CDH4: variants seen among roughly 807,000 people sequenced by gnomAD.
The protein encoded by CDH4 is cadherin-4.
A neutral mutation model predicts 86.0 loss-of-function variants in CDH4; 33 were observed. The observed-to-expected ratio is 0.38, with a 90% CI of 0.29 to 0.51. The LOEUF is 0.51. Among genes scored for constraint, CDH4 ranks in the 20% least tolerant of loss-of-function variants. The pLI is 0.86. For synonymous variants in CDH4, 555 were observed against 549.4 expected, an observed-to-expected ratio of 1.01 and a Z score of -0.14; for missense variants, 1,114 against 1,307.4, an observed-to-expected ratio of 0.85 and a Z score of 2.28.
At chr20:61,355,316 C>G (rs1600895820) in intron 2 of CDH4, among the ~76,000 whole-genome samples, 1 of 152,310 alleles carries the variant, frequency 6.6e-6, no homozygotes, top group Middle Eastern at 3.4e-3. Context: ...TGGCACAAAA[C>G]TGTGGACTTA....
At chr20:61,652,796 T>TCA (rs2087135257) in intron 2 of CDH4, among the ~76,000 whole-genome samples, 1 of 96,468 alleles carries the variant, frequency 1.0e-5, no homozygotes, top group Admixed American at 9.9e-5. Flanking sequence ...TTTTTTCAAA[T>TCA]GAAAAAAAAA....
At chr20:61,904,313 G>A (rs1197058968) in intron 8 of CDH4, among the ~76,000 whole-genome samples, 1 of 152,186 alleles carries the variant, frequency 6.6e-6, no homozygotes, top group Non-Finnish European at 1.5e-5. Flanking sequence ...TGGTCATGGA[G>A]CATGGGGGTC....
chr20:61,934,406 A>G (rs1275466213), intron 15 of CDH4, among the ~76,000 whole-genome samples, 186 bp downstream of exon 15: 1 of 152,200 alleles, frequency 6.6e-6, no homozygotes. Context: ...CACCTCCCTC[A>G]GCAGGCCCTC....
At chr20:61,444,299 T>TTGCGTTCACCTGTGTGTGTGTGCATCTG (rs2085331599) in intron 2 of CDH4, among the ~76,000 whole-genome samples, 1 of 872 alleles carries the variant, frequency 1.1e-3, no homozygotes, top group Admixed American at 7.7e-3. Context: ...GTGGGTTTCT[T>TTGCGTTCACCTGTGTGTGTGTGCATCTG]TGTGTATGTA....
chr20:61,841,991 G>T (rs937740723), intron 4 of CDH4, among the ~76,000 whole-genome samples: 4 of 152,236 alleles, frequency 2.6e-5, no homozygotes, highest in East Asian at 1.9e-4. Context: ...CAGCTCTGGT[G>T]TGCAAATGCG....
intron 2 of CDH4, among the ~76,000 whole-genome samples, chr20:61,508,977 C>G (rs2085760723): frequency 6.6e-6 from 1 of 151,902 alleles, no homozygotes; most frequent in African/African-American, 2.4e-5. Flanking sequence ...GCTTCTCTCC[C>G]AGGCCTCGCC....
chr20:61,354,249 C>A (rs922826435), intron 2 of CDH4, among the ~76,000 whole-genome samples: 1 of 152,098 alleles, frequency 6.6e-6, no homozygotes, highest in Non-Finnish European at 1.5e-5. Context: ...AAATGTCTCC[C>A]GGCAGCACGT....
At chr20:61,921,004 T>C (rs1012653844) in intron 9 of CDH4, among the ~76,000 whole-genome samples, 1 of 144,410 alleles carries the variant, frequency 6.9e-6, no homozygotes, top group Non-Finnish European at 1.5e-5. Context: ...CGTGATTGCA[T>C]GGAAGCGTTG....
intron 4 of CDH4, among the ~76,000 whole-genome samples, chr20:61,814,036 C>G (rs1191716719): frequency 6.6e-6 from 1 of 152,220 alleles, no homozygotes; most frequent in African/African-American, 2.4e-5. Flanking sequence ...CCAATTGTTC[C>G]AGGCACATCC....
intron 6 of CDH4, among the ~76,000 whole-genome samples, chr20:61,862,018 C>T (rs906664428): frequency 3.9e-5 from 6 of 152,190 alleles, no homozygotes; most frequent in South Asian, 2.1e-4. Context: ...GAACGGGAAG[C>T]GCCTTTCCCT....
At chr20:61,783,921 A>G (rs1336668239) in intron 4 of CDH4, among the ~76,000 whole-genome samples, 1 of 13,004 alleles carries the variant, frequency 7.7e-5, no homozygotes, top group African/African-American at 5.6e-4. Context: ...AGGCCCTCCG[A>G]TATCCTGTGC....
chr20:61,468,743 C>T (rs2085487141), intron 2 of CDH4, among the ~76,000 whole-genome samples: 1 of 152,174 alleles, frequency 6.6e-6, no homozygotes, highest in Non-Finnish European at 1.5e-5. Context: ...CATTCTTCTA[C>T]TCTCTATCTC....
At chr20:61,665,944 C>T (rs1453780372) in intron 2 of CDH4, among the ~76,000 whole-genome samples, 3 of 152,158 alleles carry the variant, frequency 2.0e-5, no homozygotes, top group Non-Finnish European at 2.9e-5. Context: ...ATTAAGGTCA[C>T]GCGTTGGAAG....
At chr20:61,396,733 G>A (rs1568828730) in intron 2 of CDH4, among the ~76,000 whole-genome samples, 2 of 152,184 alleles carry the variant, frequency 1.3e-5, no homozygotes, top group East Asian at 1.9e-4. Context: ...CGAAGGGGTA[G>A]CTTCTTCCTC....
chr20:61,753,606 C>T (rs778849959), intron 3 of CDH4, among the ~76,000 whole-genome samples: 5 of 152,366 alleles, frequency 3.3e-5, no homozygotes, highest in African/African-American at 2.4e-5. Context: ...ACAGGAAACA[C>T]TCGAGACCAA....
At chr20:61,374,133 G>A (rs929200457) in intron 2 of CDH4, among the ~76,000 whole-genome samples, 1 of 152,184 alleles carries the variant, frequency 6.6e-6, no homozygotes, top group African/African-American at 2.4e-5. Flanking sequence ...CTGAGCTTGG[G>A]GCTTGTAGGT....
At chr20:61,736,555 G>A (rs1281596710) in intron 2 of CDH4, among the ~76,000 whole-genome samples, 1 of 152,040 alleles carries the variant, frequency 6.6e-6, no homozygotes, top group East Asian at 1.9e-4. Context: ...GGTGTCTGCT[G>A]ACTGGTGGTA....
intron 2 of CDH4, among the ~76,000 whole-genome samples, chr20:61,612,588 G>A (rs2086693534): frequency 1.3e-5 from 2 of 152,026 alleles, no homozygotes; most frequent in South Asian, 4.1e-4. Flanking sequence ...CTTTGCCGTG[G>A]GATTTGTTAA....
chr20:61,570,616 T>A (rs2252560), intron 2 of CDH4: 1 of 701,698 alleles, frequency 1.4e-6, no homozygotes, highest in South Asian at 1.5e-5. Flanking sequence ...CCTGGTGTGT[T>A]TGGGAATGGG....
Sources: allele counts gnomAD v4.1 joint callset (sites outside exome capture counted in the v4.1 genomes callset), GRCh38; gene constraint gnomAD v4.1.1; transcripts MANE v1.5; gene names NCBI Gene and HGNC (gene_info 2026-07-23, HGNC 2026-07-21).